IKZF1: variants seen among roughly 807,000 people sequenced by gnomAD.
IKZF1 encodes DNA-binding protein Ikaros.
Under a neutral mutation model 51.7 loss-of-function variants are expected in IKZF1, and 10 were observed. That is an observed-to-expected ratio of 0.19 (90% CI 0.12 to 0.33). IKZF1 has a LOEUF of 0.33. IKZF1 is among the 10% of genes least tolerant of loss of function. The pLI is 1.00. For synonymous variants in IKZF1, 280 were observed against 282.3 expected (o/e 0.99, Z 0.08); for missense variants, 484 against 707.5 (o/e 0.68, Z 3.58).
intron 3 of IKZF1, among the ~76,000 whole-genome samples, chr7:50,333,470 G>A (rs932185245): frequency 1.1e-4 from 17 of 152,290 alleles, no homozygotes; most frequent in Admixed American, 5.2e-4. Context: ...GCACGGATGC[G>A]GAGCCTGCTT....
At chr7:50,305,317 C>CT (rs1788529021) in intron 1 of IKZF1, among the ~76,000 whole-genome samples, 1 of 152,130 alleles carries the variant, frequency 6.6e-6, no homozygotes, top group Non-Finnish European at 1.5e-5. Context: ...GAGATCGAGT[C>CT]TGAACTTAAT....
intron 1 of IKZF1, among the ~76,000 whole-genome samples, chr7:50,310,269 T>G (rs528483046): frequency 6.6e-6 from 1 of 152,328 alleles, no homozygotes; most frequent in African/African-American, 2.4e-5. Flanking sequence ...GACAATGTTT[T>G]GTTAAAGAAA....
chr7:50,379,220 G>A (rs1190363878), intron 4 of IKZF1, among the ~76,000 whole-genome samples: 2 of 152,218 alleles, frequency 1.3e-5, no homozygotes, highest in African/African-American at 2.4e-5. Context: ...AGTGAACAGG[G>A]CCATTCAGAG....
At chr7:50,340,018 C>T (rs1798704594) in intron 3 of IKZF1, among the ~76,000 whole-genome samples, 1 of 152,120 alleles carries the variant, frequency 6.6e-6, no homozygotes, top group Non-Finnish European at 1.5e-5. Context: ...AAATGCAGCC[C>T]TGAGATAGGT....
At chr7:50,340,636 T>G (rs1165380459) in intron 3 of IKZF1, among the ~76,000 whole-genome samples, 1 of 152,252 alleles carries the variant, frequency 6.6e-6, no homozygotes, top group Non-Finnish European at 1.5e-5. Context: ...CCTGGCAGAA[T>G]TTTGACTGCT....
chr7:50,303,645 G>C (rs1372077510), upstream of IKZF1, among the ~76,000 whole-genome samples: 1 of 152,080 alleles, frequency 6.6e-6, no homozygotes, highest in Admixed American at 6.5e-5. The surrounding 1 kb of genome is among the most constrained non-coding windows in gnomAD (Gnocchi z 4.7). Flanking sequence ...TGGGGCCGGA[G>C]CCTGAACCCG....
chr7:50,360,343 T>C (rs1715540562), intron 3 of IKZF1, among the ~76,000 whole-genome samples: 1 of 152,092 alleles, frequency 6.6e-6, no homozygotes, highest in African/African-American at 2.4e-5. Context: ...TCCAGAGTTC[T>C]CTTCAGTTGA....
intron 3 of IKZF1, among the ~76,000 whole-genome samples, chr7:50,357,717 T>C (rs1584746197): frequency 1.3e-5 from 2 of 152,220 alleles, no homozygotes; most frequent in Middle Eastern, 3.4e-3. Context: ...ATGTGTAGTG[T>C]GGGCTATTCA....
intron 2 of IKZF1, among the ~76,000 whole-genome samples, chr7:50,324,889 A>C (rs1310433278): frequency 1.3e-5 from 2 of 152,154 alleles, no homozygotes; most frequent in East Asian, 3.8e-4. Context: ...GGCCCCATGC[A>C]TCTAAGGGTG....
chr7:50,379,151 C>T (rs1466898742), intron 4 of IKZF1, among the ~76,000 whole-genome samples: 1 of 152,218 alleles, frequency 6.6e-6, no homozygotes, highest in Non-Finnish European at 1.5e-5. Context: ...CTAACAAGCT[C>T]CCAGCTTGTG....
chr7:50,399,073 A>G (rs1423655734), intron 7 of IKZF1, among the ~76,000 whole-genome samples: 2 of 152,228 alleles, frequency 1.3e-5, no homozygotes, highest in Admixed American at 1.3e-4. Context: ...TCTCAAGGCC[A>G]GGGCCCAATC....
intron 3 of IKZF1, 94 bp downstream of exon 3, chr7:50,327,851 C>T: frequency 7.5e-7 from 1 of 1,336,204 alleles, no homozygotes; most frequent in African/African-American, 1.5e-5. Context: ...TCATTTTATC[C>T]ATTGTGTTCC....
At chr7:50,382,206 C>T (rs1584922290) in intron 4 of IKZF1, among the ~76,000 whole-genome samples, 4 of 152,292 alleles carry the variant, frequency 2.6e-5, no homozygotes, top group South Asian at 2.1e-4. Flanking sequence ...TGCCACAACA[C>T]GCAAAATTGG....
rs527276703 is a variant in IKZF1 at position 50,403,810 on chromosome 7, G to A, written c.*3183G>A. ...ATATGGTTCCCCACCGACCATTTTTGTGCTTTTTTCTTGTTTTGTTTTGTT... is the reference window on the plus strand; with the variant it reads ...ATATGGTTCCCCACCGACCATTTTTATGCTTTTTTCTTGTTTTGTTTTGTT... On this transcript the variant is annotated 3_prime_UTR_variant, in exon 8 of 8. Transcript: ENST00000331340. 3.3e-4 allele frequency: 75 copies of A among 225,498 alleles called. No homozygotes were observed. The highest frequency in any genetic ancestry group is 8.9e-5 in the Non-Finnish European group (10 of 112,802). The allele number at this position is 225,498 out of a possible 1,614,324, so 14.0% of individuals were successfully genotyped here.
At chr7:50,306,169 T>C (rs78168113) in intron 1 of IKZF1, among the ~76,000 whole-genome samples, 4,442 of 152,270 alleles carry the variant, frequency 0.029, 241 homozygotes, top group African/African-American at 0.1. Flanking sequence ...TCTTGTAAAA[T>C]GCAGAACAAG....
At chr7:50,384,137 C>G (rs978167977) in intron 5 of IKZF1, among the ~76,000 whole-genome samples, 1 of 152,122 alleles carries the variant, frequency 6.6e-6, no homozygotes, top group Admixed American at 6.5e-5. Flanking sequence ...TGCTGGAAGG[C>G]GAGTGTCTGA....
At position 50,391,693 on chromosome 7, in the gene IKZF1, GC is replaced by G. The variant is rs747502944; in HGVS notation, c.716-34del. ...ACGCGACTGAACCCTTTAAACATAA[GC>G]CTTTCTAAACTGGCCTCTCTGTCTT... On this transcript the variant is annotated intron_variant, in intron 6 of 7. Transcript: ENST00000331340. 5.6e-6 allele frequency: 9 copies of G among 1,611,488 alleles called. No individual in the cohort carries two copies. The South Asian group carries it at 9.9e-5, about 18-fold the overall frequency.
intron 3 of IKZF1, among the ~76,000 whole-genome samples, chr7:50,350,679 A>T (rs1405451097): frequency 6.6e-6 from 1 of 152,232 alleles, no homozygotes; most frequent in Non-Finnish European, 1.5e-5. Flanking sequence ...CTGAAGTGTG[A>T]ACATATTATG....
chr7:50,348,191 A>G (rs146051085), intron 3 of IKZF1, among the ~76,000 whole-genome samples: 146 of 152,344 alleles, frequency 9.6e-4, no homozygotes, highest in African/African-American at 3.4e-3. Context: ...GCCATACTGC[A>G]TAATTGTTAG....
Sources: allele counts gnomAD v4.1 joint callset (sites outside exome capture counted in the v4.1 genomes callset), GRCh38; gene constraint gnomAD v4.1.1; non-coding constraint Gnocchi (gnomAD v3.1); transcripts MANE v1.5; gene names NCBI Gene and HGNC (gene_info 2026-07-23, HGNC 2026-07-21).